The following TIPIN variants were observed in gnomAD, a reference collection of about 807,000 sequenced individuals.
TIPIN encodes TIMELESS-interacting protein.
TIPIN carries 29 observed loss-of-function variants against 35.6 expected under a neutral mutation model. That is an observed-to-expected ratio of 0.82 (90% confidence interval 0.61 to 1.11). The LOEUF (loss-of-function observed/expected upper bound fraction) is 1.11. Among genes scored for constraint, TIPIN ranks in the 50% most tolerant of loss-of-function variants. TIPIN has a pLI of 0.00. For missense variants in TIPIN, 296 were observed against 345.4 expected, an observed-to-expected ratio of 0.86 and a Z score of 1.13; for synonymous variants, 102 against 121.5, an observed-to-expected ratio of 0.84 and a Z score of 1.06.
chr15:66,386,091 TA>T (rs1359828258), intron 1 of TIPIN, among the ~76,000 whole-genome samples: 2 of 151,920 alleles, frequency 1.3e-5, no homozygotes, highest in East Asian at 2.0e-4. Context: ...TTTAAGGCTT[TA>T]AAAAAATATT....
At chr15:66,372,565 C>T (rs896106018) in intron 1 of TIPIN, among the ~76,000 whole-genome samples, 3 of 152,150 alleles carry the variant, frequency 2.0e-5, no homozygotes, top group Non-Finnish European at 4.4e-5. Flanking sequence ...CACATAAAAA[C>T]GTTTTGGTCA....
chr15:66,376,675 C>G (rs971807596), intron 1 of TIPIN, among the ~76,000 whole-genome samples: 1 of 151,758 alleles, frequency 6.6e-6, no homozygotes, highest in Non-Finnish European at 1.5e-5. Flanking sequence ...GTGACCCCCC[C>G]ACTCTGGCCT....
At position 66,349,445 on chromosome 15, in the gene TIPIN, A is replaced by G. The variant is rs548625735; in HGVS notation, c.289-8T>C. 6 of 1,607,530 alleles carry G rather than the reference A, an allele frequency of 3.7e-6. No individual in the cohort carries two copies. Among genetic ancestry groups the G allele is most frequent in the Non-Finnish European group, 5.1e-6 (6 of 1,178,428 alleles). On this transcript the variant is annotated splice_polypyrimidine_tract_variant and splice_region_variant and intron_variant, in intron 4 of 7. Coordinates refer to ENST00000261881, the MANE Select transcript of TIPIN (RefSeq NM_017858.3). ...CATCTTCAAGTCTTCAGCCTGCCAC[A>G]TAAAAATAAAAATGCTAAACAGGAG...
chr15:66,358,869 C>T (rs996987715), upstream of TIPIN, among the ~76,000 whole-genome samples: 1 of 151,972 alleles, frequency 6.6e-6, no homozygotes, highest in African/African-American at 2.4e-5. Flanking sequence ...CATGGTGAAA[C>T]CCCGTCTCAA....
At chr15:66,362,458 C>T (rs1394515694) in intron 1 of TIPIN, among the ~76,000 whole-genome samples, 6 of 151,876 alleles carry the variant, frequency 4.0e-5, no homozygotes, top group Non-Finnish European at 8.8e-5. Context: ...CACGGTTTCA[C>T]GCCTGTAATC....
At chr15:66,343,223 T>C (rs564647050) in intron 6 of TIPIN, among the ~76,000 whole-genome samples, 8 of 152,236 alleles carry the variant, frequency 5.3e-5, no homozygotes, top group African/African-American at 1.9e-4. Flanking sequence ...GTAGGTAGAA[T>C]AGAAGCACAA....
rs756403375 is a variant in TIPIN, at chr15:66,352,878, G to A, written c.70C>T (p.Pro24Ser). 1 of 1,614,034 alleles carries A rather than the reference G, an allele frequency of 6.2e-7. No homozygotes were observed. The highest frequency in any genetic ancestry group is 8.5e-7 in the Non-Finnish European group (1 of 1,180,008). Residue 24 changes from proline to serine, a missense_variant, in exon 2 of 8, where the codon CCT (proline) becomes TCT (serine). By Grantham distance (74) the Pro-to-Ser change is moderately conservative (BLOSUM62 -1). Coordinates refer to ENST00000261881, the MANE Select transcript of TIPIN (RefSeq NM_017858.3). ...GGAGAGGCTGGAGGTGGGAAAGGAG[G>A]AAAAGTTTCATCTTCTACATGCTCA... ...DYEHVEDETF[P>S]PFPPPASPER...
upstream of TIPIN, chr15:66,356,769 G>T (rs1277076297): frequency 6.1e-6 from 6 of 982,264 alleles, no homozygotes; most frequent in Non-Finnish European, 7.3e-6. Flanking sequence ...GGGGGGCTGG[G>T]CGGAGCCTGC....
chr15:66,372,353 T>C (rs1276526983), intron 1 of TIPIN, among the ~76,000 whole-genome samples: 1 of 152,260 alleles, frequency 6.6e-6, no homozygotes, highest in Non-Finnish European at 1.5e-5. Context: ...TAGCTTCTAC[T>C]CAACAGGATG....
chr15:66,338,976 C>T (rs964941313), intron 7 of TIPIN, among the ~76,000 whole-genome samples: 1 of 149,392 alleles, frequency 6.7e-6, no homozygotes, highest in African/African-American at 2.5e-5. Flanking sequence ...ACTAAAAATA[C>T]AAAAATTAGC....
intron 1 of TIPIN, among the ~76,000 whole-genome samples, chr15:66,375,815 A>C (rs538870631): frequency 2.0e-5 from 2 of 101,510 alleles, no homozygotes; most frequent in Non-Finnish European, 4.9e-5. Context: ...CACATATACA[A>C]ATATATTCTT....
chr15:66,366,390 G>GATTGC (rs2093254378), intron 1 of TIPIN, among the ~76,000 whole-genome samples: 2 of 151,904 alleles, frequency 1.3e-5, no homozygotes, highest in East Asian at 3.9e-4. Context: ...GGAGGCAGAG[G>GATTGC]TTGCAGTGAG....
upstream of TIPIN, among the ~76,000 whole-genome samples, chr15:66,357,317 A>C (rs1468018277): frequency 2.0e-5 from 3 of 152,176 alleles, no homozygotes; most frequent in Non-Finnish European, 4.4e-5. Context: ...ATAAGAAATT[A>C]CCGCTTCTTC....
At chr15:66,366,045 A>G (rs1029433478) in intron 1 of TIPIN, among the ~76,000 whole-genome samples, 10 of 151,934 alleles carry the variant, frequency 6.6e-5, no homozygotes, top group Admixed American at 1.3e-4. Context: ...AAAGAAATAT[A>G]CTGCAGCATG....
At position 66,352,805 on chromosome 15, in the gene TIPIN, C is replaced by A; in HGVS notation, c.133+10G>T. ...CTCACAGCCTCCTTTTTAAAACTCTCTATACATACCTTCATCAGGCTCAGT... is the reference window on the plus strand; with the variant it reads ...CTCACAGCCTCCTTTTTAAAACTCTATATACATACCTTCATCAGGCTCAGT... On this transcript the variant is annotated intron_variant, in intron 2 of 7. Transcript: ENST00000261881. The A allele has an allele frequency of 1.2e-6, 2 of 1,607,532 alleles. No individual in the cohort carries two copies. Among genetic ancestry groups the A allele is most frequent in the Non-Finnish European group, 1.7e-6 (2 of 1,177,848 alleles).
At chr15:66,355,374 A>G (rs1289917733) in intron 1 of TIPIN, among the ~76,000 whole-genome samples, 1 of 152,004 alleles carries the variant, frequency 6.6e-6, no homozygotes, top group East Asian at 1.9e-4. Flanking sequence ...GGAATGCAAA[A>G]AAAAATTCCA....
chr15:66,380,581 G>A (rs1373311649), intron 1 of TIPIN, among the ~76,000 whole-genome samples: 3 of 152,020 alleles, frequency 2.0e-5, no homozygotes, highest in African/African-American at 7.2e-5. Context: ...TTGGGAGGCC[G>A]AGGTGGGTGA....
At chr15:66,356,738 C>T (rs2093206785), upstream of TIPIN, 1 of 985,346 alleles carries the variant, frequency 1.0e-6, no homozygotes, top group Non-Finnish European at 1.2e-6. Context: ...GGGCCCGCAG[C>T]GTTTGGCGCC....
chr15:66,351,412 C>T (rs1290847946), intron 4 of TIPIN, 113 bp downstream of exon 4: 14 of 770,858 alleles, frequency 1.8e-5, no homozygotes, highest in Middle Eastern at 2.3e-4. Flanking sequence ...TCAAGACATA[C>T]GACGACTAAG....
Sources: allele counts gnomAD v4.1 joint callset (sites outside exome capture counted in the v4.1 genomes callset), GRCh38; gene constraint gnomAD v4.1.1; transcripts MANE v1.5; gene names NCBI Gene and HGNC (gene_info 2026-07-23, HGNC 2026-07-21).